Variants in UBAP2 observed in about 807,000 individuals in gnomAD.
The protein encoded by UBAP2 is ubiquitin-associated protein 2.
UBAP2 carries 75 observed loss-of-function variants against 139.6 expected under a neutral mutation model. The ratio of observed to expected loss-of-function variants is 0.54; its 90% confidence interval spans 0.45 to 0.65. UBAP2 has a LOEUF of 0.65. Ranked by LOEUF, UBAP2 falls within the 30% of genes least tolerant of loss-of-function variation. The pLI, the probability that UBAP2 is intolerant of heterozygous loss-of-function variation, is 0.00. For missense variants in UBAP2, 1,368 were observed against 1,369.6 expected (o/e 1.00, Z 0.02); for synonymous variants, 526 against 526.2 (o/e 1.00, Z 0.01).
chr9:33,943,186 T>C (rs530356672), intron 15 of UBAP2, among the ~76,000 whole-genome samples: 5 of 152,330 alleles, frequency 3.3e-5, no homozygotes, highest in African/African-American at 1.2e-4. Flanking sequence ...ATTCCAAGAT[T>C]CCAGTTATAT....
At position 33,927,033 on chromosome 9, in the gene UBAP2, T is replaced by G. The variant is rs1823498877; in HGVS notation, c.2419A>C (p.Asn807His). ...LPQGVPPLLH[N>H]QYLVGPGGLL... is the part of the protein sequence containing the mutation. Reference sequence around the variant, plus strand: ...CCTCCGGGACCTACGAGGTACTGGTTGTGCAGCAGGGGAGGCACCCCCTGA... The same window carrying G: ...CCTCCGGGACCTACGAGGTACTGGTGGTGCAGCAGGGGAGGCACCCCCTGA... The change falls in exon 21 of 29, where the codon AAC (asparagine) becomes CAC (histidine). Residue 807 changes from asparagine (N) to histidine (H), a missense_variant. Physicochemically the swap from Asn to His is moderately conservative, Grantham distance 68. Coordinates refer to ENST00000379238, the MANE Select transcript of UBAP2 (RefSeq NM_001370062.2). 3.1e-6 allele frequency: 5 copies of G among 1,613,886 alleles called. No homozygotes were observed. Among genetic ancestry groups the G allele is most frequent in the Non-Finnish European group, 4.2e-6 (5 of 1,179,954 alleles).
intron 11 of UBAP2, among the ~76,000 whole-genome samples, chr9:33,953,682 GA>G (rs567950132): frequency 6.6e-5 from 10 of 152,158 alleles, no homozygotes; most frequent in African/African-American, 2.4e-4. Flanking sequence ...GTTTTGCAGA[GA>G]AGAGAATCAA....
Position 34,035,511 on chromosome 9 carries a change from A to AT in UBAP2, c.-42+13313_-42+13314insA, listed in dbSNP as rs1481850845. Among the ~76,000 whole-genome samples, 80 of 68,322 alleles carry AT rather than the reference A, an allele frequency of 1.2e-3. 7 individuals carry two copies. The highest frequency in any genetic ancestry group is 3.1e-3 in the African/African-American group (69 of 22,186). The allele number at this position is 68,322 out of a possible 152,430, so 44.8% of individuals were successfully genotyped here. Reference sequence around the variant, plus strand: ...AGCGAGACTCCATCTAAAAAAAAAAAAAAATATATATATATAAAGATTAGC... The same window carrying AT: ...AGCGAGACTCCATCTAAAAAAAAAAATAAAATATATATATATAAAGATTAGC... On this transcript the variant is annotated intron_variant, in intron 1 of 28. Transcript: ENST00000379238.
rs1825227178 is a variant in UBAP2, at chr9:33,941,749, G to A, written c.1829C>T (p.Pro610Leu). Residue 610 changes from proline to leucine, a missense_variant, in exon 16 of 29, where the codon CCA (proline) becomes CTA (leucine). Transcript: ENST00000379238. The stretch of plus-strand genomic sequence containing the variant: ...GTCATAAGAGGAAGACATTGCTACT[G>A]GACTAGCAGAATTCAGTGATGAGCT... ...LTSSSLNSAS[P>L]VAMSSSYDQS... 1 of 1,613,838 alleles carries A rather than the reference G, an allele frequency of 6.2e-7. No individual in the cohort carries two copies. Among genetic ancestry groups the A allele is most frequent in the Admixed American group, 1.7e-5 (1 of 59,992 alleles).
intron 1 of UBAP2, among the ~76,000 whole-genome samples, chr9:34,030,397 C>T (rs1307928144): frequency 6.7e-6 from 1 of 149,848 alleles, no homozygotes; most frequent in Non-Finnish European, 1.5e-5. Flanking sequence ...TGCAGTGAGC[C>T]GAGATCGCGC....
At chr9:34,036,397 G>A (rs1281171418) in intron 1 of UBAP2, among the ~76,000 whole-genome samples, 3 of 152,098 alleles carry the variant, frequency 2.0e-5, no homozygotes, top group East Asian at 1.9e-4. Flanking sequence ...GATTACAGGC[G>A]TGAGCCACCG....
chr9:33,948,443 G>T lies in UBAP2; in HGVS notation c.1201C>A (p.His401Asn), dbSNP rs200641582. 26 of 1,614,170 alleles carry T rather than the reference G, an allele frequency of 1.6e-5. No individual in the cohort carries two copies. Among genetic ancestry groups the T allele is most frequent in the Non-Finnish European group, 1.9e-5 (23 of 1,180,032 alleles). Residue 401 changes from histidine (H) to asparagine (N), a missense_variant, in exon 13 of 29, where the codon CAC (histidine) becomes AAC (asparagine). His to Asn is a moderately conservative substitution (Grantham distance 68). Coordinates refer to ENST00000379238, the MANE Select transcript of UBAP2 (RefSeq NM_001370062.2). ...TCCCAAGAAGTAGTAGTTGTAGGGT[G>T]ACTTGTACTATTCTGCTGTGTACTT... ...TPSTQQNSTS[H>N]PTTTTSWDLK...
chr9:34,040,658 G>T (rs1290095377), intron 1 of UBAP2, among the ~76,000 whole-genome samples: 1 of 152,146 alleles, frequency 6.6e-6, no homozygotes. Context: ...GATATATCTA[G>T]AACATCCCAC....
At chr9:33,926,793 T>G in intron 21 of UBAP2, 129 bp from the exon 22 acceptor site, 1 of 1,083,900 alleles carries the variant, frequency 9.2e-7, no homozygotes. Flanking sequence ...GATTAGCTGT[T>G]ACGGGAACAG....
At chr9:33,941,231 G>GT (rs1564022811) in intron 16 of UBAP2, among the ~76,000 whole-genome samples, 1 of 152,074 alleles carries the variant, frequency 6.6e-6, no homozygotes, top group Admixed American at 6.6e-5. Context: ...CTATAGTCCA[G>GT]TATTATTAAC....
chr9:34,022,170 A>C (rs1825005511), intron 1 of UBAP2, among the ~76,000 whole-genome samples: 1 of 151,884 alleles, frequency 6.6e-6, no homozygotes, highest in Admixed American at 6.6e-5. Flanking sequence ...GCTTGAAGCC[A>C]GGAGGAGGAG....
At chr9:33,975,231 A>G (rs1587594686) in intron 6 of UBAP2, among the ~76,000 whole-genome samples, 1 of 151,484 alleles carries the variant, frequency 6.6e-6, no homozygotes, top group Non-Finnish European at 1.5e-5. Flanking sequence ...GGAGTTCAAG[A>G]CCAGCCTGGC....
intron 16 of UBAP2, among the ~76,000 whole-genome samples, chr9:33,940,525 C>T (rs1825114889): frequency 6.6e-6 from 1 of 152,140 alleles, no homozygotes; most frequent in Admixed American, 6.6e-5. Context: ...CCTATAATCC[C>T]AGCACTTTGG....
In UBAP2 at chr9:33,956,108, T is replaced by A; in HGVS notation, c.837A>T (p.Pro279=). 1 of 1,613,742 alleles carries A rather than the reference T, an allele frequency of 6.2e-7. No homozygotes were observed. The highest frequency in any genetic ancestry group is 1.1e-5 in the South Asian group (1 of 90,994). The change falls in exon 11 of 29, where the codon CCA becomes CCT. Residue 279 remains proline, a synonymous_variant. Transcript: ENST00000379238. ...ETKVFTASSA[P]AENHILPGQS... The stretch of plus-strand genomic sequence containing the variant: ...GCCCAGGTAAGATGTGATTCTCTGC[T>A]GGAGCAGATGAGGCAGTGAAGACCT...
intron 19 of UBAP2, among the ~76,000 whole-genome samples, chr9:33,931,250 G>A (rs191999286): frequency 6.6e-6 from 1 of 152,328 alleles, no homozygotes; most frequent in East Asian, 1.9e-4. Context: ...TTGAGAATGT[G>A]CAGATTTTGG....
chr9:33,992,651 C>T (rs572574543), intron 4 of UBAP2, among the ~76,000 whole-genome samples: 4 of 41,138 alleles, frequency 9.7e-5, no homozygotes, highest in African/African-American at 3.0e-4. Flanking sequence ...GACAACTTAT[C>T]GGGCGGAGGG....
chr9:34,006,340 A>G (rs538304548), intron 2 of UBAP2, among the ~76,000 whole-genome samples: 134 of 152,290 alleles, frequency 8.8e-4, no homozygotes, highest in African/African-American at 3.1e-3. Flanking sequence ...TGAAATTAGA[A>G]TATCAACAAA....
chr9:33,939,876 GGAGGAGGAGGAGGA>G (rs1825012653), intron 16 of UBAP2, among the ~76,000 whole-genome samples: 3 of 14,982 alleles, frequency 2.0e-4, no homozygotes, highest in Non-Finnish European at 4.8e-4. Context: ...GAGGAGGAGG[GGAGGAGGAGGAGGA>G]GGGGAGGAGG....
Position 33,935,894 on chromosome 9 carries a change from G to A in UBAP2, c.1930-16C>T. On this transcript the variant is annotated splice_polypyrimidine_tract_variant and intron_variant, in intron 16 of 28. Coordinates refer to ENST00000379238, the MANE Select transcript of UBAP2 (RefSeq NM_001370062.2). ...CATGTCCATTCTATAAGGAAAAGAA[G>A]AGAAGAGAATATAAACTTACAAAAT... is the stretch of plus-strand genomic sequence containing the variant. 1 of 1,610,354 alleles carries A rather than the reference G, an allele frequency of 6.2e-7. No individual in the cohort carries two copies.
Sources: gnomAD v4.1 joint callset for allele counts (sites outside exome capture counted in the v4.1 genomes callset) on GRCh38, gnomAD v4.1.1 for gene constraint, MANE v1.5 for transcripts, NCBI Gene and HGNC (gene_info 2026-07-23, HGNC 2026-07-21) for gene names.